The following GPC6 variants were observed in gnomAD, a reference collection of about 807,000 sequenced individuals.
GPC6 encodes glypican 6.
A neutral mutation model predicts 55.2 loss-of-function variants in GPC6; 14 were observed. The observed-to-expected ratio is 0.25, with a 90% CI of 0.17 to 0.40. The LOEUF (loss-of-function observed/expected upper bound fraction) is 0.40. Among genes scored for constraint, GPC6 ranks in the 10% least tolerant of loss-of-function variants. GPC6 has a pLI of 1.00. For missense variants in GPC6, 641 were observed against 708.5 expected (o/e 0.90, Z 1.08); for synonymous variants, 278 against 259.6 (o/e 1.07, Z -0.68).
chr13:93,725,068 A>G (rs1056178732), intron 2 of GPC6, among the ~76,000 whole-genome samples: 1 of 152,078 alleles, frequency 6.6e-6, no homozygotes, highest in African/African-American at 2.4e-5. Context: ...TCAGTCTTAA[A>G]TCCTGTGTTG....
At chr13:94,177,880 CAT>C (rs1888840837) in intron 4 of GPC6, among the ~76,000 whole-genome samples, 2 of 152,106 alleles carry the variant, frequency 1.3e-5, no homozygotes, top group African/African-American at 4.8e-5. Context: ...CCTCTGAATA[CAT>C]ATTTGTCCTT....
intron 4 of GPC6, among the ~76,000 whole-genome samples, chr13:94,217,048 A>T (rs890566970): frequency 6.6e-6 from 1 of 152,292 alleles, no homozygotes; most frequent in African/African-American, 2.4e-5. Flanking sequence ...CACATTATAG[A>T]CACCAGATAT....
chr13:93,719,246 T>C (rs143959159), intron 2 of GPC6, among the ~76,000 whole-genome samples: 3,903 of 152,222 alleles, frequency 0.026, 188 homozygotes, highest in African/African-American at 0.088. Context: ...GTTTGTGTCC[T>C]CTGTTATTTC....
intron 1 of GPC6, among the ~76,000 whole-genome samples, chr13:93,232,484 G>T (rs1325088550): frequency 2.6e-5 from 4 of 152,146 alleles, no homozygotes; most frequent in Non-Finnish European, 5.9e-5. Context: ...TAGAGCGATT[G>T]TGAGTTATCT....
At chr13:94,196,461 G>C in intron 4 of GPC6, among the ~76,000 whole-genome samples, 1 of 152,144 alleles carries the variant, frequency 6.6e-6, no homozygotes, top group Non-Finnish European at 1.5e-5. Flanking sequence ...GTCTTCAAGT[G>C]AAGTATGTCC....
At chr13:94,139,161 G>C (rs1049101672) in intron 4 of GPC6, among the ~76,000 whole-genome samples, 2 of 151,726 alleles carry the variant, frequency 1.3e-5, no homozygotes, top group Non-Finnish European at 2.9e-5. Context: ...TGAAGGACCC[G>C]CAAAACCTGT....
At chr13:93,780,465 A>G (rs997266182) in intron 2 of GPC6, among the ~76,000 whole-genome samples, 23 of 152,230 alleles carry the variant, frequency 1.5e-4, no homozygotes, top group African/African-American at 5.3e-4. Context: ...AAAATGGCAT[A>G]TAAAACAACC....
intron 4 of GPC6, among the ~76,000 whole-genome samples, chr13:94,079,329 G>A (rs142885956): frequency 2.8e-4 from 42 of 152,102 alleles, no homozygotes; most frequent in African/African-American, 8.7e-4. Flanking sequence ...TAAATTCTGC[G>A]ATCCTTTCCA....
intron 2 of GPC6, among the ~76,000 whole-genome samples, chr13:93,678,350 G>GAT (rs1037715305): frequency 1.5e-4 from 23 of 152,050 alleles, no homozygotes; most frequent in African/African-American, 5.3e-4. Flanking sequence ...TGTAGACTTG[G>GAT]ATACTTCCAG....
Position 93,668,774 on chromosome 13 carries a change from G to A in GPC6, c.319+123353G>A, listed in dbSNP as rs1481271110. Among the ~76,000 whole-genome samples, 11 of 152,154 alleles carry A rather than the reference G, an allele frequency of 7.2e-5. 1 individual carries two copies. Among genetic ancestry groups the A allele is most frequent in the Admixed American group, 7.2e-4 (11 of 15,278 alleles). On this transcript the variant is annotated intron_variant, in intron 2 of 8. Transcript: ENST00000377047. ...CCCTGATCTTTTGGCTTTCTGAAAA[G>A]AGAACGATTAACTTTTTCTTCTTTC...
chr13:93,741,359 C>T (rs1884195460), intron 2 of GPC6, among the ~76,000 whole-genome samples: 1 of 152,044 alleles, frequency 6.6e-6, no homozygotes, highest in Admixed American at 6.6e-5. Context: ...TCGTGATCCA[C>T]CCATCTCAGC....
intron 4 of GPC6, among the ~76,000 whole-genome samples, chr13:94,049,501 G>C (rs1246702985): frequency 6.6e-6 from 1 of 152,100 alleles, no homozygotes; most frequent in Non-Finnish European, 1.5e-5. Context: ...GAAGACATGA[G>C]ATCTGCTTTC....
chr13:93,628,813 A>G (rs967260249), intron 2 of GPC6, among the ~76,000 whole-genome samples: 1 of 152,302 alleles, frequency 6.6e-6, no homozygotes, highest in East Asian at 1.9e-4. Flanking sequence ...TTAGAAGTAA[A>G]AATATTCAAA....
intron 1 of GPC6, among the ~76,000 whole-genome samples, chr13:93,243,023 A>G (rs1204409021): frequency 6.6e-6 from 1 of 152,194 alleles, no homozygotes; most frequent in Non-Finnish European, 1.5e-5. Context: ...CCGGGGGAAC[A>G]GGAAGGGACC....
chr13:93,911,897 G>A (rs1001903738), intron 3 of GPC6, among the ~76,000 whole-genome samples: 5 of 152,212 alleles, frequency 3.3e-5, no homozygotes, highest in Non-Finnish European at 7.3e-5. Context: ...AGAACAGTAT[G>A]CAGAAAGGCA....
At chr13:93,306,238 G>T (rs1878851820) in intron 1 of GPC6, among the ~76,000 whole-genome samples, 2 of 152,252 alleles carry the variant, frequency 1.3e-5, no homozygotes, top group South Asian at 4.1e-4. Context: ...AAAGACAAAT[G>T]ATAATGAAAT....
intron 1 of GPC6, among the ~76,000 whole-genome samples, chr13:93,526,854 C>T (rs763447223): frequency 2.0e-5 from 3 of 152,032 alleles, no homozygotes; most frequent in South Asian, 2.1e-4. Flanking sequence ...GATTTAAATG[C>T]TAGGTAAAAG....
At chr13:93,883,732 T>C in intron 3 of GPC6, among the ~76,000 whole-genome samples, 1 of 152,150 alleles carries the variant, frequency 6.6e-6, no homozygotes. Flanking sequence ...GACCCAACTA[T>C]GGTTTTGCCA....
intron 3 of GPC6, among the ~76,000 whole-genome samples, chr13:94,013,614 G>A (rs960838027): frequency 4.6e-5 from 7 of 152,030 alleles, no homozygotes; most frequent in African/African-American, 1.7e-4. Context: ...CCTCCCAAAG[G>A]GCTGGGATTA....
Sources: allele counts gnomAD v4.1 joint callset (sites outside exome capture counted in the v4.1 genomes callset), GRCh38; gene constraint gnomAD v4.1.1; transcripts MANE v1.5; gene names NCBI Gene and HGNC (gene_info 2026-07-23, HGNC 2026-07-21).